Variants in RTN2 observed in about 807,000 individuals in gnomAD.
The protein encoded by RTN2 is reticulon-2.
In RTN2, 36 loss-of-function variants were observed where a neutral mutation model predicts 63.7. The ratio of observed to expected loss-of-function variants is 0.56; its 90% CI spans 0.43 to 0.75. RTN2 has a LOEUF of 0.75. Among genes scored for constraint, RTN2 ranks in the 30% least tolerant of loss-of-function variants. The pLI is 0.00. For synonymous variants in RTN2, 312 were observed against 313.0 expected, an observed-to-expected ratio of 1.00 and a Z score of 0.03; for missense variants, 673 against 705.1, an observed-to-expected ratio of 0.95 and a Z score of 0.52.
chr19:45,488,333 G>T, intron 9 of RTN2, 138 bp downstream of exon 9: 2 of 782,726 alleles, frequency 2.6e-6, no homozygotes, highest in South Asian at 1.6e-5. Flanking sequence ...CTTAGACTCT[G>T]GTTGTATTGG....
In RTN2 at chr19:45,497,023, G is replaced by T. The variant is rs1968288632; in HGVS notation, c.-198C>A. ...GGTGCTCGGCTCGGCGGGGGCGGGC[G>T]GGGCCGAGGTGGGGAAGGCACTGCA... On this transcript the variant is annotated 5_prime_UTR_variant, in exon 1 of 11. Transcript: ENST00000245923. 2.5e-5 allele frequency: 6 copies of T among 239,322 alleles called. No individual in the cohort carries two copies. Among genetic ancestry groups the T allele is most frequent in the Non-Finnish European group, 4.6e-5 (6 of 129,424 alleles). The allele number at this position is 239,322 out of a possible 1,614,324, so 14.8% of individuals were successfully genotyped here.
In RTN2 at chr19:45,494,682, G is replaced by C. The variant is rs570062973; in HGVS notation, c.403C>G (p.Arg135Gly). ...CGAAGCCTCAGGTCTTCCAGAGGGCGCTCGGATGGAGGCGCGGTGTCAGGA... is the reference window on the plus strand; with the variant it reads ...CGAAGCCTCAGGTCTTCCAGAGGGCCCTCGGATGGAGGCGCGGTGTCAGGA... ...GDPDTAPPSE[R>G]PLEDLRLRLD... Residue 135 changes from arginine to glycine, a missense_variant, in exon 3 of 11, where the codon CGC becomes GGC. Arg to Gly is a moderately radical substitution (Grantham distance 125). Transcript: ENST00000245923. The surrounding 1 kb of genome is among the most constrained non-coding windows in gnomAD (Gnocchi z 5.3). 3 of 1,613,694 alleles carry C rather than the reference G, an allele frequency of 1.9e-6. No individual in the cohort carries two copies. The highest frequency in any genetic ancestry group is 2.5e-6 in the Non-Finnish European group (3 of 1,180,000).
At chr19:45,491,439 C>G (rs1211124152) in intron 5 of RTN2, among the ~76,000 whole-genome samples, 1 of 151,346 alleles carries the variant, frequency 6.6e-6, no homozygotes, top group African/African-American at 2.4e-5. Context: ...CAGCTCACTG[C>G]AGCCTCTGCC....
At chr19:45,488,337 G>A (rs1253506298) in intron 9 of RTN2, 134 bp downstream of exon 9, 1 of 806,774 alleles carries the variant, frequency 1.2e-6, no homozygotes, top group Non-Finnish European at 2.1e-6. Flanking sequence ...GACTCTGGTT[G>A]TATTGGGAAG....
rs150707032 is a variant in RTN2, at chr19:45,488,944, C to T, written c.1284G>A (p.Thr428=). Residue 428 remains threonine (T), a synonymous_variant, in exon 7 of 11, where the codon ACG becomes ACA. Coordinates refer to ENST00000245923, the MANE Select transcript of RTN2 (RefSeq NM_005619.5). The part of the protein sequence containing the change: ...DVDLTLTREQ[T]ERLSHQITSR... ...AGGTGATCTGGTGGGACAAACGTTC[C>T]GTCTGCTCCCGAGTCAGGGTGAGGT... 71 of 1,611,430 alleles carry T rather than the reference C, an allele frequency of 4.4e-5. No individual in the cohort carries two copies. The African/African-American group carries it at 6.4e-4, about 15-fold the overall frequency.
In RTN2 at chr19:45,496,896, C is replaced by A. The variant is rs1200207684; in HGVS notation, c.-71G>T. 17 of 942,870 alleles carry A rather than the reference C, an allele frequency of 1.8e-5. No homozygotes were observed. The highest frequency in any genetic ancestry group is 2.5e-5 in the Non-Finnish European group (17 of 685,040). The allele number at this position is 942,870 out of a possible 1,614,324, so 58.4% of individuals were successfully genotyped here. ...GCCGCCCTGGGCCCGGGGTCGCGGG[C>A]GCTCATCTCCGCCGCGCCCACGACG... On this transcript the variant is annotated 5_prime_UTR_variant, in exon 1 of 11. Transcript: ENST00000245923.
chr19:45,489,563 G>T lies in RTN2; in HGVS notation c.1034-10C>A, dbSNP rs1460248010. On this transcript the variant is annotated splice_polypyrimidine_tract_variant and intron_variant, in intron 5 of 10. Coordinates refer to ENST00000245923, the MANE Select transcript of RTN2 (RefSeq NM_005619.5). ...TACAGCAGGTCCGCCACTGTGGAGG[G>T]GTGGGGGGCATCAGGGCTTGTACCT... The T allele has an allele frequency of 1.3e-6, 2 of 1,581,682 alleles. No homozygotes were observed. Among genetic ancestry groups the T allele is most frequent in the Non-Finnish European group, 1.7e-6 (2 of 1,163,700 alleles).
intron 6 of RTN2, 154 bp from the exon 7 acceptor site, chr19:45,489,140 T>C: frequency 1.1e-6 from 1 of 884,420 alleles, no homozygotes; most frequent in Non-Finnish European, 1.7e-6. Context: ...AGGGCTGGGG[T>C]CAGGGTCAGG....
chr19:45,488,472 T>C lies in RTN2; in HGVS notation c.1496A>G (p.Gln499Arg), dbSNP rs754815713. ...FTIPLLYRQH[Q>R]AQIDQYVGLV... ...GACAACTGAGGGTGTCACACTCACC[T>C]GGTGCTGCCGGTACAGCAGGGGGAT... Residue 499 changes from glutamine to arginine, a missense_variant and splice_region_variant, in exon 9 of 11, where the codon CAG becomes CGG. Transcript: ENST00000245923. 1 of 1,613,676 alleles carries C rather than the reference T, an allele frequency of 6.2e-7. No homozygotes were observed. The highest frequency in any genetic ancestry group is 8.5e-7 in the Non-Finnish European group (1 of 1,179,802).
rs56279132 is a variant in RTN2 at position 45,490,535 on chromosome 19, C to CTGTGTGTGTGTGTGTGTG, written c.1034-1000_1034-983dup. On this transcript the variant is annotated intron_variant, in intron 5 of 10. Coordinates refer to ENST00000245923, the MANE Select transcript of RTN2 (RefSeq NM_005619.5). ...ATTGCTGGGTGGACTGGTTGTGTGT[C>CTGTGTGTGTGTGTGTGTG]TGTGTGTGTGTGTGTGTGTGTGTGT... 9.0e-4 allele frequency among the ~76,000 whole-genome samples: 131 copies of CTGTGTGTGTGTGTGTGTG among 145,858 alleles called. 1 individual carries two copies. The highest frequency in any genetic ancestry group is 3.4e-3 in the Middle Eastern group (1 of 290).
intron 10 of RTN2, 22 bp downstream of exon 10, chr19:45,486,033 G>A (rs375310856): frequency 6.2e-7 from 1 of 1,612,116 alleles, no homozygotes; most frequent in Non-Finnish European, 8.5e-7. Context: ...CCCTCCCATC[G>A]ACCTCCGCCC....
intron 1 of RTN2, among the ~76,000 whole-genome samples, chr19:45,496,029 G>A (rs1388169753): frequency 6.6e-6 from 1 of 152,192 alleles, no homozygotes; most frequent in African/African-American, 2.4e-5. Flanking sequence ...ACCCCCATGT[G>A]TGGGACAGAG....
rs756550249 is a variant in RTN2 at position 45,493,263 on chromosome 19, G to A, written c.930C>T (p.Pro310=). ...CCCGGAGGACAGGAGTAGGGGGGGT[G>A]GGGCCCCTTTGGACCCAGCCAATGG... ...WTAIGWVQRG[P]TPPTPVLRVL... is the part of the protein sequence containing the mutation. Residue 310 remains proline, a synonymous_variant, in exon 5 of 11, where the codon CCC becomes CCT. Coordinates refer to ENST00000245923, the MANE Select transcript of RTN2 (RefSeq NM_005619.5). The A allele has an allele frequency of 6.2e-7, 1 of 1,613,546 alleles. No individual in the cohort carries two copies. The highest frequency in any genetic ancestry group is 1.1e-5 in the South Asian group (1 of 91,074).
intron 9 of RTN2, 101 bp downstream of exon 9, chr19:45,488,370 G>A: frequency 1.6e-6 from 2 of 1,252,604 alleles, no homozygotes; most frequent in Non-Finnish European, 2.3e-6. Context: ...GGACACCTGT[G>A]TCTGGCCGGG....
intron 5 of RTN2, among the ~76,000 whole-genome samples, chr19:45,492,828 G>A (rs985820479): frequency 6.6e-6 from 1 of 152,186 alleles, no homozygotes; most frequent in Non-Finnish European, 1.5e-5. Flanking sequence ...GGTCGCCTGA[G>A]GCGGGGGCTA....
At chr19:45,487,032 CTTTTTTTTTTT>C (rs34799041) in intron 9 of RTN2, among the ~76,000 whole-genome samples, 31 of 39,180 alleles carry the variant, frequency 7.9e-4, no homozygotes, top group South Asian at 3.1e-3. Flanking sequence ...CATGCCCAGC[CTTTTTTTTTTT>C]TTTTTTTTTT....
intron 1 of RTN2, 123 bp from the exon 2 acceptor site, chr19:45,495,262 C>T: frequency 8.9e-7 from 1 of 1,125,508 alleles, no homozygotes; most frequent in South Asian, 1.4e-5. Context: ...TGCACACAGA[C>T]TCTAAAACCT....
At chr19:45,491,360 ATTTT>A (rs752835899) in intron 5 of RTN2, among the ~76,000 whole-genome samples, 1 of 125,500 alleles carries the variant, frequency 8.0e-6, no homozygotes. Flanking sequence ...TATCGTGCTA[ATTTT>A]TTTTTTTTTT....
At position 45,493,285 on chromosome 19, in the gene RTN2, A is replaced by G; in HGVS notation, c.908T>C (p.Ile303Thr). ...GGTGGGGCCCCTTTGGACCCAGCCAATGGCTGTCCACAGAGGTGGGGACAA... is the reference window on the plus strand; with the variant it reads ...GGTGGGGCCCCTTTGGACCCAGCCAGTGGCTGTCCACAGAGGTGGGGACAA... ...LELSPPLWTA[I>T]GWVQRGPTPP... Residue 303 changes from isoleucine (I) to threonine (T), a missense_variant, in exon 5 of 11, where the codon ATT becomes ACT. By Grantham distance (89) the Ile-to-Thr change is moderately conservative. Coordinates refer to ENST00000245923, the MANE Select transcript of RTN2 (RefSeq NM_005619.5). 1 of 1,612,778 alleles carries G rather than the reference A, an allele frequency of 6.2e-7. No individual in the cohort carries two copies. The highest frequency in any genetic ancestry group is 2.2e-5 in the East Asian group (1 of 44,872).
Sources: gnomAD v4.1 joint callset for allele counts (sites outside exome capture counted in the v4.1 genomes callset) on GRCh38, gnomAD v4.1.1 for gene constraint, Gnocchi (gnomAD v3.1) non-coding constraint, MANE v1.5 for transcripts, NCBI Gene and HGNC (gene_info 2026-07-23, HGNC 2026-07-21) for gene names.